Variants in VPS8 observed in about 807,000 individuals in gnomAD.
VPS8 encodes the protein VPS8 subunit of CORVET complex.
VPS8 carries 129 observed loss-of-function variants against 216.4 expected under a neutral mutation model. The ratio of observed to expected loss-of-function variants is 0.60; its 90% CI spans 0.52 to 0.69. The LOEUF (loss-of-function observed/expected upper bound fraction) is 0.69. VPS8 is among the 30% of genes least tolerant of loss of function. The pLI is 0.00. For synonymous variants in VPS8, 571 were observed against 565.4 expected (o/e 1.01, Z -0.14); for missense variants, 1,531 against 1,683.5 (o/e 0.91, Z 1.59).
rs369716901 is a variant in VPS8, at chr3:185,017,599, G to A, written c.4003-6737G>A. ...GAATCAATGACTCCTGTATGTGTTT[G>A]CACTCCTTTTAAATTTAAACTAGAC... is the stretch of plus-strand genomic sequence containing the variant. On this transcript the variant is annotated intron_variant, in intron 45 of 47. Coordinates refer to ENST00000625842, the MANE Select transcript of VPS8 (RefSeq NM_001009921.3). Among the ~76,000 whole-genome samples the A allele has an allele frequency of 9.3e-4, 142 of 152,288 alleles. No individual in the cohort carries two copies. The Middle Eastern group carries it at 0.024, about 26-fold the overall frequency.
intron 45 of VPS8, among the ~76,000 whole-genome samples, chr3:185,014,166 C>A (rs6801403): frequency 0.89 from 135,198 of 152,258 alleles, 61,441 homozygotes; most frequent in Non-Finnish European, 0.98. Flanking sequence ...AAGGAATACT[C>A]ACGGCAATGG....
At chr3:184,926,511 G>C in intron 30 of VPS8, 83 bp from the exon 31 acceptor site, 1 of 1,394,204 alleles carries the variant, frequency 7.2e-7, no homozygotes, top group Non-Finnish European at 9.8e-7. Context: ...TTGGTTATTT[G>C]AAAGGGTAGT....
chr3:184,829,098 G>A (rs1337624989), intron 3 of VPS8, among the ~76,000 whole-genome samples: 1 of 152,122 alleles, frequency 6.6e-6, no homozygotes, highest in East Asian at 1.9e-4. Context: ...ACTGTTGATA[G>A]GTATTTGTGT....
intron 15 of VPS8, among the ~76,000 whole-genome samples, chr3:184,862,615 A>G (rs1213963197): frequency 6.6e-6 from 1 of 152,222 alleles, no homozygotes; most frequent in African/African-American, 2.4e-5. Context: ...GCTTTAAAAA[A>G]TCTTTTATAA....
intron 23 of VPS8, 88 bp downstream of exon 23, chr3:184,895,013 C>A: frequency 9.1e-7 from 1 of 1,093,656 alleles, no homozygotes; most frequent in Non-Finnish European, 1.3e-6. Flanking sequence ...CCTGACCCTG[C>A]CTTCTAAGAA....
intron 37 of VPS8, among the ~76,000 whole-genome samples, chr3:184,959,597 G>A (rs182793484): frequency 1.1e-3 from 160 of 152,194 alleles, no homozygotes; most frequent in Non-Finnish European, 1.2e-3. Context: ...AGTATCAGCA[G>A]TGTTTCAAAC....
chr3:184,891,756 G>A lies in VPS8; in HGVS notation c.1782-2947G>A, dbSNP rs1578107536. On this transcript the variant is annotated intron_variant, in intron 22 of 47. Transcript: ENST00000625842. ...AGGAAACCAGCCCACATCAACTTTG[G>A]ATATATTAAATACCACTTGTATTTG... 5.3e-5 allele frequency among the ~76,000 whole-genome samples: 8 copies of A among 152,094 alleles called. No homozygotes were observed. In the South Asian group the frequency reaches 1.7e-3, roughly 32 times the overall value.
chr3:184,832,948 A>G (rs896038507), intron 4 of VPS8, 129 bp downstream of exon 4: 143 of 1,185,202 alleles, frequency 1.2e-4, no homozygotes, highest in Non-Finnish European at 1.5e-4. Flanking sequence ...GGGATATAAT[A>G]TCTTGAAAAT....
At chr3:184,931,584 C>T (rs1470327284) in intron 34 of VPS8, among the ~76,000 whole-genome samples, 5 of 152,180 alleles carry the variant, frequency 3.3e-5, no homozygotes. Flanking sequence ...TGAACAACAT[C>T]TTCTTGTGAA....
intron 4 of VPS8, 146 bp downstream of exon 4, chr3:184,832,965 A>G: frequency 2.0e-6 from 2 of 989,666 alleles, no homozygotes; most frequent in Non-Finnish European, 2.9e-6. Context: ...AAATTTTGGT[A>G]CCATTAAGGA....
chr3:184,874,530 A>G (rs990068257), intron 21 of VPS8, among the ~76,000 whole-genome samples: 21 of 152,208 alleles, frequency 1.4e-4, no homozygotes, highest in Non-Finnish European at 1.6e-4. Flanking sequence ...TTGAAATTTA[A>G]TGAAGATTAA....
chr3:185,024,906 G>A (rs1189650056), intron 46 of VPS8, among the ~76,000 whole-genome samples: 1 of 151,998 alleles, frequency 6.6e-6, no homozygotes, highest in African/African-American at 2.4e-5. Flanking sequence ...GGAGGCTGAG[G>A]CAGGAGAATT....
intron 21 of VPS8, among the ~76,000 whole-genome samples, chr3:184,876,707 G>C (rs1342917433): frequency 2.0e-5 from 3 of 152,114 alleles, no homozygotes; most frequent in Non-Finnish European, 2.9e-5. Flanking sequence ...TCTTTTACTT[G>C]TTCCTGGCTA....
At chr3:184,855,685 T>A in intron 13 of VPS8, 26 bp from the exon 14 acceptor site, 1 of 1,376,664 alleles carries the variant, frequency 7.3e-7, no homozygotes, top group Non-Finnish European at 1.0e-6. Context: ...ACTGTGATGA[T>A]TTTTTTTTTC....
rs370797050 is a variant in VPS8 at position 185,051,891 on chromosome 3, G to C, written c.4153G>C (p.Glu1385Gln). The change falls in exon 48 of 48, where the codon GAA becomes CAA. Residue 1385 changes from glutamate to glutamine, a missense_variant. Coordinates refer to ENST00000625842, the MANE Select transcript of VPS8 (RefSeq NM_001009921.3). ...RGSSRLALLT[E>Q]LSQNRSSESY... ...TCCTTTGCAGCTGGCTCTCCTCACGGAACTCTCCCAGAATCGCAGCAGCGA... is the reference window on the plus strand; with the variant it reads ...TCCTTTGCAGCTGGCTCTCCTCACGCAACTCTCCCAGAATCGCAGCAGCGA... 5 of 1,607,500 alleles carry C rather than the reference G, an allele frequency of 3.1e-6. No individual in the cohort carries two copies. In the African/African-American group the frequency reaches 6.7e-5, roughly 22 times the overall value.
intron 5 of VPS8, among the ~76,000 whole-genome samples, chr3:184,838,141 G>A (rs1250245571): frequency 6.6e-6 from 1 of 152,188 alleles, no homozygotes; most frequent in Non-Finnish European, 1.5e-5. Flanking sequence ...CAGATGAGGA[G>A]ACTAATGTTC....
At chr3:184,941,162 T>G (rs2109327616) in intron 36 of VPS8, among the ~76,000 whole-genome samples, 1 of 150,054 alleles carries the variant, frequency 6.7e-6, no homozygotes, top group South Asian at 2.1e-4. Flanking sequence ...TCAGCTTTGG[T>G]TATTTCCGTG....
At chr3:184,913,430 A>C in intron 25 of VPS8, 89 bp from the exon 26 acceptor site, 1 of 1,191,778 alleles carries the variant, frequency 8.4e-7, no homozygotes, top group Middle Eastern at 2.0e-4. Flanking sequence ...TTAAATGCCA[A>C]GTTTTATTTT....
intron 34 of VPS8, among the ~76,000 whole-genome samples, chr3:184,934,922 G>A (rs1376144014): frequency 6.6e-6 from 1 of 152,064 alleles, no homozygotes; most frequent in African/African-American, 2.4e-5. Context: ...GTTAAGGCTG[G>A]AATTATTTCT....
Sources: gnomAD v4.1 joint callset for allele counts (sites outside exome capture counted in the v4.1 genomes callset) on GRCh38, gnomAD v4.1.1 for gene constraint, MANE v1.5 for transcripts, NCBI Gene and HGNC (gene_info 2026-07-23, HGNC 2026-07-21) for gene names.